The following ZMAT4 variants were observed in gnomAD, a reference collection of about 807,000 sequenced individuals.
ZMAT4 encodes zinc finger matrin-type 4, also known as zinc finger matrin-type protein 4.
In ZMAT4, 17 loss-of-function variants were observed where a neutral mutation model predicts 28.7. The observed-to-expected ratio is 0.59, with a 90% CI of 0.41 to 0.89. ZMAT4 has a LOEUF of 0.89. Ranked by LOEUF, ZMAT4 falls within the 40% of genes least tolerant of loss-of-function variation. ZMAT4 has a pLI of 0.00. For missense variants in ZMAT4, 240 were observed against 283.8 expected (o/e 0.85, Z 1.11); for synonymous variants, 117 against 109.2 (o/e 1.07, Z -0.44).
intron 6 of ZMAT4, among the ~76,000 whole-genome samples, chr8:40,533,773 C>T (rs1433360680): frequency 6.6e-6 from 1 of 152,146 alleles, no homozygotes; most frequent in Non-Finnish European, 1.5e-5. Flanking sequence ...TAGCTATAGC[C>T]ACTTTTTAGT....
intron 2 of ZMAT4, among the ~76,000 whole-genome samples, chr8:40,818,047 C>T (rs1815612935): frequency 6.6e-6 from 1 of 152,180 alleles, no homozygotes; most frequent in South Asian, 2.1e-4. Context: ...AGAGCATACC[C>T]TACCCGTGTC....
At chr8:40,797,411 G>C (rs1303250203) in intron 2 of ZMAT4, among the ~76,000 whole-genome samples, 1 of 152,210 alleles carries the variant, frequency 6.6e-6, no homozygotes, top group African/African-American at 2.4e-5. Flanking sequence ...CAGGCTCAGT[G>C]CTTGGCACAT....
At chr8:40,852,741 A>T (rs547407108) in intron 1 of ZMAT4, among the ~76,000 whole-genome samples, 8 of 152,332 alleles carry the variant, frequency 5.3e-5, no homozygotes, top group African/African-American at 1.9e-4. Context: ...ATTTTGTAAC[A>T]TCATGCATTG....
intron 2 of ZMAT4, among the ~76,000 whole-genome samples, chr8:40,795,917 T>C (rs1409592892): frequency 2.0e-5 from 3 of 152,338 alleles, no homozygotes; most frequent in South Asian, 2.1e-4. Context: ...AAAGAAGTGC[T>C]TAAAATATAC....
At chr8:40,672,455 A>G (rs1283672130) in intron 5 of ZMAT4, among the ~76,000 whole-genome samples, 2 of 152,156 alleles carry the variant, frequency 1.3e-5, no homozygotes, top group African/African-American at 4.8e-5. Flanking sequence ...GGTTTCAAGG[A>G]CATTGTGCTC....
chr8:40,686,439 T>A (rs1171981009), intron 4 of ZMAT4, among the ~76,000 whole-genome samples: 1 of 151,894 alleles, frequency 6.6e-6, no homozygotes, highest in Non-Finnish European at 1.5e-5. Context: ...TACTCCAACC[T>A]GGGTAACAGA....
chr8:40,598,236 G>A (rs1283033816), intron 5 of ZMAT4, among the ~76,000 whole-genome samples: 1 of 152,182 alleles, frequency 6.6e-6, no homozygotes. Context: ...CAGGATACAT[G>A]TGCAGAATGT....
chr8:40,733,307 C>A (rs575509717), intron 3 of ZMAT4, among the ~76,000 whole-genome samples: 9 of 152,164 alleles, frequency 5.9e-5, no homozygotes, highest in East Asian at 3.9e-4. Flanking sequence ...TTGCAAAAAT[C>A]AAAAATCTGG....
At chr8:40,608,057 T>C (rs1480763781) in intron 5 of ZMAT4, among the ~76,000 whole-genome samples, 1 of 152,052 alleles carries the variant, frequency 6.6e-6, no homozygotes, top group Non-Finnish European at 1.5e-5. Flanking sequence ...TGTGGTAGTA[T>C]AGGGAGGATA....
At chr8:40,623,624 ATGACCATGTG>A (rs1393879759) in intron 5 of ZMAT4, among the ~76,000 whole-genome samples, 7 of 152,214 alleles carry the variant, frequency 4.6e-5, no homozygotes, top group African/African-American at 1.7e-4. Flanking sequence ...ACTATCAGAA[ATGACCATGTG>A]TACAAGAAAC....
intron 1 of ZMAT4, among the ~76,000 whole-genome samples, chr8:40,827,810 C>G (rs1320676937): frequency 6.6e-6 from 1 of 152,220 alleles, no homozygotes; most frequent in African/African-American, 2.4e-5. Flanking sequence ...ACAAGGCAAC[C>G]TGTTCCAGAG....
In ZMAT4 at chr8:40,881,425, AAGAAAGAG is replaced by A. The variant is rs1471989991; in HGVS notation, c.-5+16250_-5+16257del. Among the ~76,000 whole-genome samples, 48 of 116,376 alleles carry A rather than the reference AAGAAAGAG, an allele frequency of 4.1e-4. No individual in the cohort carries two copies. In the East Asian group the frequency reaches 9.9e-3, roughly 24 times the overall value. The allele number at this position is 116,376 out of a possible 152,430, so 76.3% of individuals were successfully genotyped here. On this transcript the variant is annotated intron_variant, in intron 1 of 6. Coordinates refer to ENST00000297737, the MANE Select transcript of ZMAT4 (RefSeq NM_024645.3). ...GAGAGAGAAAGAAAGGAAGAAAAAGAAGAAAGAGAGAAAGAAAGAAAGAAAGAAAGAAA... is the reference window on the plus strand; with the variant it reads ...GAGAGAGAAAGAAAGGAAGAAAAAGAAGAAAGAAAGAAAGAAAGAAAGAAA...
At chr8:40,560,622 A>C (rs1803704972) in intron 6 of ZMAT4, among the ~76,000 whole-genome samples, 1 of 152,128 alleles carries the variant, frequency 6.6e-6, no homozygotes, top group Admixed American at 6.6e-5. Context: ...TCATGGTGGG[A>C]GGGCTGTCCT....
intron 1 of ZMAT4, among the ~76,000 whole-genome samples, chr8:40,854,801 G>A (rs1817238019): frequency 6.6e-6 from 1 of 152,154 alleles, no homozygotes; most frequent in Non-Finnish European, 1.5e-5. Flanking sequence ...CTGGGTACTG[G>A]TAGTGGTCAA....
intron 3 of ZMAT4, among the ~76,000 whole-genome samples, chr8:40,739,671 C>T (rs1393889117): frequency 6.6e-6 from 1 of 152,178 alleles, no homozygotes; most frequent in African/African-American, 2.4e-5. Context: ...GATACATGTG[C>T]AGAACGTGCA....
At chr8:40,653,929 A>G (rs1807800464) in intron 5 of ZMAT4, among the ~76,000 whole-genome samples, 2 of 152,196 alleles carry the variant, frequency 1.3e-5, no homozygotes, top group African/African-American at 4.8e-5. Flanking sequence ...TGTCATATAA[A>G]TGAGCCAAAG....
chr8:40,773,412 A>T (rs1276540749), intron 2 of ZMAT4, among the ~76,000 whole-genome samples: 1 of 152,174 alleles, frequency 6.6e-6, no homozygotes, highest in Non-Finnish European at 1.5e-5. Context: ...AAAAGGCTTT[A>T]GGTAGATGTT....
At chr8:40,661,449 T>C (rs1435064569) in intron 5 of ZMAT4, among the ~76,000 whole-genome samples, 1 of 152,192 alleles carries the variant, frequency 6.6e-6, no homozygotes, top group Non-Finnish European at 1.5e-5. Flanking sequence ...AATACGTCAA[T>C]AGGTATGTTC....
At chr8:40,554,622 G>A (rs1406098180) in intron 6 of ZMAT4, among the ~76,000 whole-genome samples, 2 of 151,984 alleles carry the variant, frequency 1.3e-5, no homozygotes, top group African/African-American at 2.4e-5. Flanking sequence ...TAAAATATCC[G>A]TATTGGTCTT....
Sources: allele counts gnomAD v4.1 joint callset (sites outside exome capture counted in the v4.1 genomes callset), GRCh38; gene constraint gnomAD v4.1.1; transcripts MANE v1.5; gene names NCBI Gene and HGNC (gene_info 2026-07-23, HGNC 2026-07-21).